FOXP1: variants seen among roughly 807,000 people sequenced by gnomAD.
The protein encoded by FOXP1 is forkhead box protein P1.
Under a neutral mutation model 98.2 loss-of-function variants are expected in FOXP1, and 15 were observed. The observed-to-expected ratio is 0.15, with a 90% CI of 0.10 to 0.24. The LOEUF is 0.24. FOXP1 is among the 10% of genes least tolerant of loss of function. FOXP1 has a pLI of 1.00. For missense variants in FOXP1, 633 were observed against 848.5 expected, an observed-to-expected ratio of 0.75 and a Z score of 3.15; for synonymous variants, 371 against 314.5, an observed-to-expected ratio of 1.18 and a Z score of -1.90.
intron 6 of FOXP1, among the ~76,000 whole-genome samples, chr3:71,197,462 G>A (rs1377293061): frequency 2.6e-5 from 4 of 152,008 alleles, no homozygotes; most frequent in East Asian, 1.9e-4. Flanking sequence ...TGTACCATTC[G>A]GAAATATTTT....
intron 3 of FOXP1, among the ~76,000 whole-genome samples, chr3:71,388,443 A>G (rs9310213): frequency 0.21 from 32,598 of 152,110 alleles, 4,679 homozygotes; most frequent in African/African-American, 0.4. Flanking sequence ...TATTCTCTAA[A>G]TCTACCCGAA....
At chr3:71,127,148 T>C (rs1206113956) in intron 6 of FOXP1, among the ~76,000 whole-genome samples, 1 of 152,138 alleles carries the variant, frequency 6.6e-6, no homozygotes, top group Non-Finnish European at 1.5e-5. Context: ...TAAATGGCAC[T>C]TGTCTAATTT....
chr3:71,067,376 A>T (rs913205256), intron 7 of FOXP1, among the ~76,000 whole-genome samples: 3 of 152,204 alleles, frequency 2.0e-5, no homozygotes, highest in Non-Finnish European at 4.4e-5. Context: ...ATATAATATA[A>T]AATGTTAAAA....
intron 7 of FOXP1, among the ~76,000 whole-genome samples, chr3:71,104,771 G>A (rs962047788): frequency 2.6e-5 from 4 of 152,152 alleles, no homozygotes; most frequent in Admixed American, 6.5e-5. Context: ...GAACATTACC[G>A]GACGCTGGAA....
intron 3 of FOXP1, among the ~76,000 whole-genome samples, chr3:71,489,940 CAGG>C (rs1333930161): frequency 6.6e-6 from 1 of 152,136 alleles, no homozygotes; most frequent in African/African-American, 2.4e-5. Flanking sequence ...CCTGGTCTAC[CAGG>C]AGGACACTTA....
At chr3:71,438,651 T>C (rs989993716) in intron 3 of FOXP1, among the ~76,000 whole-genome samples, 1 of 151,968 alleles carries the variant, frequency 6.6e-6, no homozygotes, top group African/African-American at 2.4e-5. Context: ...CAGCAGTTGA[T>C]GGCCAAGATC....
At chr3:71,338,008 G>T (rs1279014517) in intron 4 of FOXP1, among the ~76,000 whole-genome samples, 1 of 152,184 alleles carries the variant, frequency 6.6e-6, no homozygotes, top group Non-Finnish European at 1.5e-5. Flanking sequence ...CTGTACTGCT[G>T]CTGAGCTCAT....
At chr3:71,222,990 A>T (rs962751748) in intron 5 of FOXP1, among the ~76,000 whole-genome samples, 3 of 152,196 alleles carry the variant, frequency 2.0e-5, no homozygotes, top group Admixed American at 6.5e-5. Context: ...TATTGAATAA[A>T]TTTTTCCCCT....
intron 12 of FOXP1, among the ~76,000 whole-genome samples, chr3:71,004,859 ATTAGGGCTCTTTT>A (rs1427260578): frequency 6.6e-6 from 1 of 152,050 alleles, no homozygotes; most frequent in Non-Finnish European, 1.5e-5. Flanking sequence ...CCTTTGTTAC[ATTAGGGCTCTTTT>A]TTATAATGAC....
intron 10 of FOXP1, among the ~76,000 whole-genome samples, chr3:71,045,242 A>G (rs1193462296): frequency 6.6e-6 from 1 of 152,232 alleles, no homozygotes; most frequent in Non-Finnish European, 1.5e-5. Flanking sequence ...TGCCATGACT[A>G]GTGAATTACC....
intron 14 of FOXP1, among the ~76,000 whole-genome samples, chr3:70,981,244 C>T (rs1423269370): frequency 1.4e-5 from 2 of 145,470 alleles, no homozygotes; most frequent in Non-Finnish European, 3.0e-5. Context: ...AAAATCCCTC[C>T]AAGTTAGCAC....
intron 2 of FOXP1, chr3:71,571,084 T>C (rs542795988): frequency 2.4e-4 from 37 of 152,366 alleles, no homozygotes; most frequent in African/African-American, 8.7e-4. Context: ...GGTACTGTCA[T>C]ACAGTAGTAA....
intron 19 of FOXP1, among the ~76,000 whole-genome samples, chr3:70,967,553 T>A (rs866593798): frequency 1.1e-4 from 17 of 152,222 alleles, no homozygotes; most frequent in African/African-American, 3.6e-4. Context: ...CATTCCACAC[T>A]CTCCTACAGT....
At chr3:71,086,008 G>T (rs1012996848) in intron 7 of FOXP1, among the ~76,000 whole-genome samples, 1 of 152,008 alleles carries the variant, frequency 6.6e-6, no homozygotes, top group East Asian at 1.9e-4. Context: ...GATTACAGGC[G>T]TGAGCCACCG....
intron 3 of FOXP1, among the ~76,000 whole-genome samples, chr3:71,463,354 CAAAAAAAA>C (rs60302484): frequency 0.12 from 7,611 of 65,482 alleles, 289 homozygotes; most frequent in South Asian, 0.24. Flanking sequence ...GACACTGTCT[CAAAAAAAA>C]AAAAAAAAAA....
At chr3:71,109,520 GTC>G (rs1052940069) in intron 7 of FOXP1, among the ~76,000 whole-genome samples, 1 of 151,886 alleles carries the variant, frequency 6.6e-6, no homozygotes. Flanking sequence ...GCTAAAATCG[GTC>G]TCTCAGTGTA....
chr3:71,356,617 T>C (rs1398255217), intron 4 of FOXP1, among the ~76,000 whole-genome samples: 1 of 152,162 alleles, frequency 6.6e-6, no homozygotes, highest in African/African-American at 2.4e-5. Context: ...GTGAGCTGGC[T>C]TCTATTTTTA....
chr3:70,992,113 G>T (rs1341593809), intron 13 of FOXP1, among the ~76,000 whole-genome samples: 1 of 152,160 alleles, frequency 6.6e-6, no homozygotes, highest in Non-Finnish European at 1.5e-5. Context: ...AAACGACTGC[G>T]GTCTCACCTA....
At chr3:71,022,806 C>A (rs374337227) in intron 11 of FOXP1, among the ~76,000 whole-genome samples, 2 of 152,254 alleles carry the variant, frequency 1.3e-5, no homozygotes, top group South Asian at 4.1e-4. Context: ...CAAACTTCCA[C>A]CAAGGATATG....
Sources: allele counts gnomAD v4.1 joint callset (sites outside exome capture counted in the v4.1 genomes callset), GRCh38; gene constraint gnomAD v4.1.1; transcripts MANE v1.5; gene names NCBI Gene and HGNC (gene_info 2026-07-23, HGNC 2026-07-21).